Variants in CAB39L observed in about 807,000 individuals in gnomAD.
CAB39L encodes calcium binding protein 39 like.
Under a neutral mutation model 39.1 loss-of-function variants are expected in CAB39L, and 23 were observed. The ratio of observed to expected loss-of-function variants is 0.59; its 90% CI spans 0.42 to 0.83. The LOEUF is 0.83. CAB39L is among the 40% of genes least tolerant of loss of function. The pLI is 0.00. For synonymous variants in CAB39L, 126 were observed against 137.2 expected (o/e 0.92, Z 0.57); for missense variants, 366 against 391.9 (o/e 0.93, Z 0.56).
intron 10 of CAB39L, among the ~76,000 whole-genome samples, chr13:49,313,139 C>G (rs1954042943): frequency 6.6e-6 from 1 of 152,164 alleles, no homozygotes; most frequent in African/African-American, 2.4e-5. Context: ...CCTTCCCTCC[C>G]TGGAGGTCAC....
At chr13:49,385,198 C>A (rs1039983159) in intron 3 of CAB39L, among the ~76,000 whole-genome samples, 1 of 152,236 alleles carries the variant, frequency 6.6e-6, no homozygotes, top group African/African-American at 2.4e-5. Context: ...ATAGCACTTG[C>A]TGCTTTTTCC....
chr13:49,438,697 T>C (rs1957456273), intron 1 of CAB39L, among the ~76,000 whole-genome samples: 1 of 152,202 alleles, frequency 6.6e-6, no homozygotes, highest in African/African-American at 2.4e-5. Context: ...ATTTCCCCCA[T>C]CAATGCAAGA....
intron 1 of CAB39L, among the ~76,000 whole-genome samples, chr13:49,436,492 T>C (rs1222567315): frequency 6.6e-6 from 1 of 151,792 alleles, no homozygotes; most frequent in African/African-American, 2.4e-5. Context: ...CAATGCTCCT[T>C]ATATTCAGTC....
At chr13:49,352,370 C>T (rs1251036339) in intron 6 of CAB39L, among the ~76,000 whole-genome samples, 2 of 151,656 alleles carry the variant, frequency 1.3e-5, no homozygotes, top group Non-Finnish European at 2.9e-5. Flanking sequence ...ATACAGTTGA[C>T]AATTGTGTGG....
At chr13:49,425,693 A>C (rs1249006408) in intron 3 of CAB39L, among the ~76,000 whole-genome samples, 1 of 152,248 alleles carries the variant, frequency 6.6e-6, no homozygotes, top group Non-Finnish European at 1.5e-5. Context: ...TGAGGTTGAG[A>C]TAGTCATTAC....
chr13:49,376,912 T>G, intron 5 of CAB39L, 55 bp downstream of exon 5: 1 of 1,401,194 alleles, frequency 7.1e-7, no homozygotes, highest in Non-Finnish European at 9.8e-7. Context: ...GATAGATAGA[T>G]AGATAGATAT....
At chr13:49,408,008 T>G (rs1406782660) in intron 3 of CAB39L, among the ~76,000 whole-genome samples, 2 of 152,066 alleles carry the variant, frequency 1.3e-5, no homozygotes, top group Non-Finnish European at 2.9e-5. Flanking sequence ...GCTAAATAAT[T>G]TGCGGACAAA....
chr13:49,431,591 C>T (rs773734609), intron 3 of CAB39L, among the ~76,000 whole-genome samples: 9 of 151,932 alleles, frequency 5.9e-5, no homozygotes, highest in Non-Finnish European at 1.0e-4. Flanking sequence ...CCTGTAATCC[C>T]AGCTACTTAT....
At chr13:49,439,512 G>T (rs1190015428) in intron 1 of CAB39L, among the ~76,000 whole-genome samples, 2 of 152,212 alleles carry the variant, frequency 1.3e-5, no homozygotes, top group Non-Finnish European at 2.9e-5. Flanking sequence ...CACATAGGTT[G>T]ATTCCACATC....
At chr13:49,341,279 A>T (rs1954997226) in intron 8 of CAB39L, among the ~76,000 whole-genome samples, 2 of 151,784 alleles carry the variant, frequency 1.3e-5, no homozygotes, top group Non-Finnish European at 2.9e-5. Context: ...TTTGAGACCA[A>T]GTCTCGCTCT....
intron 3 of CAB39L, among the ~76,000 whole-genome samples, chr13:49,404,777 T>G (rs1956838094): frequency 6.6e-6 from 1 of 152,162 alleles, no homozygotes; most frequent in South Asian, 2.1e-4. Flanking sequence ...CTGAAAAATT[T>G]AATTGACAAA....
intron 9 of CAB39L, among the ~76,000 whole-genome samples, chr13:49,334,827 T>A (rs1387189463): frequency 1.3e-5 from 2 of 152,160 alleles, no homozygotes; most frequent in Non-Finnish European, 2.9e-5. Flanking sequence ...CATATATATA[T>A]CCTCAAGATG....
intron 3 of CAB39L, among the ~76,000 whole-genome samples, chr13:49,406,651 C>T (rs1280060637): frequency 3.3e-5 from 5 of 152,028 alleles, no homozygotes; most frequent in East Asian, 1.9e-4. Context: ...ATTAAAAAGA[C>T]AACACCTTAA....
intron 4 of CAB39L, among the ~76,000 whole-genome samples, chr13:49,378,548 C>G (rs1956159975): frequency 1.5e-5 from 1 of 65,856 alleles, no homozygotes; most frequent in Non-Finnish European, 3.1e-5. Flanking sequence ...GGGGGGTCAG[C>G]CCCCCCACCC....
At chr13:49,393,624 T>G (rs1004960950) in intron 3 of CAB39L, among the ~76,000 whole-genome samples, 1 of 151,944 alleles carries the variant, frequency 6.6e-6, no homozygotes, top group Admixed American at 6.6e-5. Context: ...CATTTCTTTT[T>G]TCTGAAATAA....
At chr13:49,407,666 G>C (rs1196534441) in intron 3 of CAB39L, among the ~76,000 whole-genome samples, 4 of 151,618 alleles carry the variant, frequency 2.6e-5, no homozygotes, top group Non-Finnish European at 5.9e-5. Flanking sequence ...TACTTTATTG[G>C]TTTTACAGTT....
rs1270438947 is a variant in CAB39L, at chr13:49,439,920, G to GTTTTTTT, written c.-246+4065_-246+4066insAAAAAAA. ...GATGTCTTTTGACCACTTTTTAATG[G>GTTTTTTT]GTTTTTTTTTTTTTTTTTTTTGCTT... is the stretch of plus-strand genomic sequence containing the variant. On this transcript the variant is annotated intron_variant, in intron 1 of 10. Coordinates refer to ENST00000409308, the MANE Select transcript of CAB39L (RefSeq NM_001079670.3). Among the ~76,000 whole-genome samples the GTTTTTTT allele has an allele frequency of 7.5e-4, 31 of 41,338 alleles. 1 individual carries two copies. Among genetic ancestry groups the GTTTTTTT allele is most frequent in the African/African-American group, 2.4e-3 (31 of 12,960 alleles). 27.1% of individuals were successfully genotyped at this position (41,338 alleles called of 152,430 possible). A position where few individuals can be genotyped will look rare whatever the true frequency, so the allele number is the denominator to read the frequency against.
At chr13:49,380,085 C>T (rs1956221362) in intron 4 of CAB39L, among the ~76,000 whole-genome samples, 1 of 152,148 alleles carries the variant, frequency 6.6e-6, no homozygotes, top group Admixed American at 6.5e-5. Context: ...GTGATTCGCC[C>T]ACCTCAGCCT....
chr13:49,381,951 T>A (rs1286533973), intron 4 of CAB39L, among the ~76,000 whole-genome samples: 1 of 152,222 alleles, frequency 6.6e-6, no homozygotes, highest in Non-Finnish European at 1.5e-5. Flanking sequence ...AGCAGTTACA[T>A]CAATGTATAT....
Sources: allele counts gnomAD v4.1 joint callset (sites outside exome capture counted in the v4.1 genomes callset), GRCh38; gene constraint gnomAD v4.1.1; transcripts MANE v1.5; gene names NCBI Gene and HGNC (gene_info 2026-07-23, HGNC 2026-07-21).